C9orf43: variants seen among roughly 807,000 people sequenced by gnomAD.
The protein encoded by C9orf43 is chromosome 9 open reading frame 43, also known as uncharacterized protein C9orf43.
A neutral mutation model predicts 59.1 loss-of-function variants in C9orf43; 45 were observed. The observed-to-expected ratio is 0.76, with a 90% CI of 0.60 to 0.98. The LOEUF (loss-of-function observed/expected upper bound fraction) is 0.98. Ranked by LOEUF, C9orf43 falls within the 50% of genes least tolerant of loss-of-function variation. The pLI, the probability that C9orf43 is intolerant of heterozygous loss-of-function variation, is 0.00. For synonymous variants in C9orf43, 203 were observed against 196.8 expected (o/e 1.03, Z -0.26); for missense variants, 533 against 554.9 (o/e 0.96, Z 0.40).
intron 3 of C9orf43, among the ~76,000 whole-genome samples, chr9:113,416,339 C>T (rs1221214994): frequency 6.6e-6 from 1 of 152,218 alleles, no homozygotes; most frequent in Admixed American, 6.5e-5. Context: ...GACTGGTGGC[C>T]TCTCTCTTTA....
intron 4 of C9orf43, among the ~76,000 whole-genome samples, chr9:113,419,859 T>G (rs557296075): frequency 9.8e-4 from 149 of 152,268 alleles, no homozygotes; most frequent in African/African-American, 3.5e-3. Flanking sequence ...ATTAGAAATT[T>G]AGGAAGAAAA....
chr9:113,428,285 C>G (rs984138623), intron 12 of C9orf43, 62 bp downstream of exon 12: 1 of 1,419,846 alleles, frequency 7.0e-7, no homozygotes, highest in Middle Eastern at 1.8e-4. Flanking sequence ...TATGTAACAA[C>G]CCCAAAGCTT....
At chr9:113,421,295 G>A (rs1433670501) in intron 5 of C9orf43, 92 bp downstream of exon 5, 2 of 898,954 alleles carry the variant, frequency 2.2e-6, no homozygotes, top group African/African-American at 1.7e-5. Flanking sequence ...CATTTAGCCA[G>A]CTCATTGCAA....
chr9:113,424,261 C>G lies in C9orf43; in HGVS notation c.752C>G (p.Pro251Arg). 3 of 1,614,072 alleles carry G rather than the reference C, an allele frequency of 1.9e-6. No homozygotes were observed. Among genetic ancestry groups the G allele is most frequent in the Non-Finnish European group, 2.5e-6 (3 of 1,179,966 alleles). Residue 251 changes from proline (P) to arginine (R), a missense_variant, in exon 8 of 14, where the codon CCT (proline) becomes CGT (arginine). Coordinates refer to ENST00000374165, the MANE Select transcript of C9orf43 (RefSeq NM_001278629.2). ...KKNLPLEKNR[P>R]DSVISSKMFL... ...AATCTTCCCTTGGAAAAGAACCGACCTGACAGTGTGATTTCTTCTAAGATG... is the reference window on the plus strand; with the variant it reads ...AATCTTCCCTTGGAAAAGAACCGACGTGACAGTGTGATTTCTTCTAAGATG...
intron 4 of C9orf43, 32 bp from the exon 5 acceptor site, chr9:113,421,071 A>G (rs753546124): frequency 3.2e-6 from 5 of 1,539,136 alleles, no homozygotes; most frequent in Middle Eastern, 3.4e-4. Flanking sequence ...TAGCACCTCA[A>G]GCCATACATA....
chr9:113,422,727 A>G, intron 6 of C9orf43, 142 bp downstream of exon 6: 1 of 932,666 alleles, frequency 1.1e-6, no homozygotes, highest in South Asian at 1.9e-5. Context: ...CTTTAGGAAT[A>G]ATTAACCAAA....
chr9:113,425,095 C>T lies in C9orf43; in HGVS notation c.865+19C>T, dbSNP rs1828738540. ...ACAGAAGGTAGATTTGCTGTTGCTG[C>T]TGGATCTCTAAGCACCATTTTCTGT... On this transcript the variant is annotated intron_variant, in intron 9 of 13. Coordinates refer to ENST00000374165, the MANE Select transcript of C9orf43 (RefSeq NM_001278629.2). 6.2e-7 allele frequency: 1 copy of T among 1,610,262 alleles called. No homozygotes were observed. Among genetic ancestry groups the T allele is most frequent in the Non-Finnish European group, 8.5e-7 (1 of 1,176,954 alleles).
intron 1 of C9orf43, among the ~76,000 whole-genome samples, chr9:113,411,421 C>T (rs1435256354): frequency 6.6e-6 from 1 of 151,804 alleles, no homozygotes; most frequent in Non-Finnish European, 1.5e-5. Context: ...ACCTCAGCCT[C>T]CTTAGTAGCT....
At chr9:113,420,330 C>T (rs932375409) in intron 4 of C9orf43, among the ~76,000 whole-genome samples, 3 of 152,128 alleles carry the variant, frequency 2.0e-5, no homozygotes, top group Non-Finnish European at 4.4e-5. Context: ...CAGCCTCAAG[C>T]AATCCTCCTA....
chr9:113,425,177 G>C (rs895449105), intron 9 of C9orf43, 101 bp downstream of exon 9: 4 of 1,434,506 alleles, frequency 2.8e-6, no homozygotes, highest in Non-Finnish European at 3.9e-6. Context: ...TGTGGCCACA[G>C]TCATACAGGG....
At chr9:113,425,253 G>T (rs1828743845) in intron 9 of C9orf43, 91 bp from the exon 10 acceptor site, 1 of 1,579,454 alleles carries the variant, frequency 6.3e-7, no homozygotes, top group Admixed American at 1.7e-5. Context: ...CCTTACCAGG[G>T]AGTCACCATT....
rs765500162 is a variant in C9orf43 at position 113,422,537 on chromosome 9, G to T, written c.447-12G>T. ...AGCATGTTTTGTTTTGTTTTGTTTT[G>T]TTTTTCTCCAGCCAGCATGGGAAGA... On this transcript the variant is annotated splice_polypyrimidine_tract_variant and intron_variant, in intron 5 of 13. Transcript: ENST00000374165. 1 of 1,613,282 alleles carries T rather than the reference G, an allele frequency of 6.2e-7. No individual in the cohort carries two copies. Among genetic ancestry groups the T allele is most frequent in the Non-Finnish European group, 8.5e-7 (1 of 1,179,764 alleles).
chr9:113,416,489 A>G (rs1828362181), intron 3 of C9orf43, among the ~76,000 whole-genome samples: 1 of 152,072 alleles, frequency 6.6e-6, no homozygotes, highest in East Asian at 1.9e-4. Context: ...CACTTCATTA[A>G]GTCCCTTTCC....
chr9:113,424,818 G>T (rs1454367773), intron 8 of C9orf43, among the ~76,000 whole-genome samples: 1 of 152,114 alleles, frequency 6.6e-6, no homozygotes, highest in East Asian at 1.9e-4. Context: ...GAGCCACCAT[G>T]CCTGGCCATG....
intron 12 of C9orf43, 78 bp from the exon 13 acceptor site, chr9:113,428,822 G>T: frequency 7.9e-7 from 1 of 1,273,508 alleles, no homozygotes. Context: ...ATTTCTCCAA[G>T]AGAAGCATCT....
Position 113,423,311 on chromosome 9 carries a change from T to G in C9orf43, c.484-15T>G, listed in dbSNP as rs375958437. 1.3e-4 allele frequency: 205 copies of G among 1,612,006 alleles called. 1 individual carries two copies. The highest frequency in any genetic ancestry group is 1.2e-4 in the Non-Finnish European group (143 of 1,178,406). On this transcript the variant is annotated splice_polypyrimidine_tract_variant and intron_variant, in intron 6 of 13. Transcript: ENST00000374165. Reference sequence around the variant, plus strand: ...AGAATGCTTTGGAGAATTCTTTCCATTGTTTCTCTTCCAGAAAAGCAAGTC... The same window carrying G: ...AGAATGCTTTGGAGAATTCTTTCCAGTGTTTCTCTTCCAGAAAAGCAAGTC...
chr9:113,422,176 G>A lies in C9orf43; in HGVS notation c.447-373G>A, dbSNP rs576516476. Among the ~76,000 whole-genome samples, 4 of 152,264 alleles carry A rather than the reference G, an allele frequency of 2.6e-5. No homozygotes were observed. In the South Asian group the frequency reaches 8.3e-4, roughly 32 times the overall value. ...AGGATTTAGTGAACCAAATAGATTT[G>A]GTCCCTGTCCTGTTGGAGCCTTGTC... On this transcript the variant is annotated intron_variant, in intron 5 of 13. Transcript: ENST00000374165.
intron 4 of C9orf43, among the ~76,000 whole-genome samples, chr9:113,419,438 G>C (rs1828489182): frequency 6.6e-6 from 1 of 152,150 alleles, no homozygotes; most frequent in South Asian, 2.1e-4. Flanking sequence ...CATAGAACAT[G>C]TTCAGCTACT....
chr9:113,416,440 T>G (rs1362091391), intron 3 of C9orf43, among the ~76,000 whole-genome samples: 2 of 152,226 alleles, frequency 1.3e-5, no homozygotes. Flanking sequence ...TTTTCTGTCA[T>G]GCAGTTTCCT....
Sources: allele counts gnomAD v4.1 joint callset (sites outside exome capture counted in the v4.1 genomes callset), GRCh38; gene constraint gnomAD v4.1.1; transcripts MANE v1.5; gene names NCBI Gene and HGNC (gene_info 2026-07-23, HGNC 2026-07-21).